PRR29: variants seen among roughly 807,000 people sequenced by gnomAD.
The protein encoded by PRR29 is proline rich 29.
In PRR29, 20 loss-of-function variants were observed where a neutral mutation model predicts 25.1. The ratio of observed to expected loss-of-function variants is 0.80; its 90% CI spans 0.56 to 1.16. The LOEUF (loss-of-function observed/expected upper bound fraction) is 1.16. Ranked by LOEUF, PRR29 falls within the 50% of genes most tolerant of loss-of-function variation. The pLI, the probability that PRR29 is intolerant of heterozygous loss-of-function variation, is 0.00. For synonymous variants in PRR29, 108 were observed against 102.6 expected (o/e 1.05, Z -0.32); for missense variants, 238 against 246.6 (o/e 0.97, Z 0.23).
At position 64,001,989 on chromosome 17, in the gene PRR29, C is replaced by T. The variant is rs1355845968; in HGVS notation, c.*228C>T. ...GCTGTTGTGTAAGAGCTCCCTAGAG[C>T]ACCACCCAGGCCCTTGAAGCCACGT... is the stretch of plus-strand genomic sequence containing the variant. On this transcript the variant is annotated 3_prime_UTR_variant, in exon 6 of 6. Coordinates refer to ENST00000412177, the MANE Select transcript of PRR29 (RefSeq NM_001164257.2). 3 of 1,534,032 alleles carry T rather than the reference C, an allele frequency of 2.0e-6. No homozygotes were observed. The highest frequency in any genetic ancestry group is 2.6e-6 in the Non-Finnish European group (3 of 1,145,826).
rs1911025484 is a variant in PRR29, at chr17:64,004,026, C to T, written c.*2265C>T. The T allele has an allele frequency of 2.3e-6, 3 of 1,278,890 alleles. No individual in the cohort carries two copies. Among genetic ancestry groups the T allele is most frequent in the South Asian group, 1.4e-5 (1 of 70,938 alleles). 79.2% of individuals were successfully genotyped at this position (1,278,890 alleles called of 1,614,324 possible). On this transcript the variant is annotated 3_prime_UTR_variant, in exon 6 of 6. Coordinates refer to ENST00000412177, the MANE Select transcript of PRR29 (RefSeq NM_001164257.2). ...GGGGTGCAGTCCCAGCAGCCTCCCC[C>T]TGGCCAGGGCCATCTCCTGTCACCA...
chr17:64,000,101 C>T (rs920348132), intron 3 of PRR29, among the ~76,000 whole-genome samples: 19 of 152,110 alleles, frequency 1.2e-4, no homozygotes, highest in African/African-American at 4.3e-4. Context: ...TACTGCCACC[C>T]CTCACCCCTG....
Position 63,998,797 on chromosome 17 carries a change from TCCCCCCACCCC to T in PRR29, c.136+16_136+26del. 1.9e-6 allele frequency: 2 copies of T among 1,062,600 alleles called. No homozygotes were observed. Among genetic ancestry groups the T allele is most frequent in the Non-Finnish European group, 2.6e-6 (2 of 761,698 alleles). 65.8% of individuals were successfully genotyped at this position (1,062,600 alleles called of 1,614,324 possible). A position where few individuals can be genotyped will look rare whatever the true frequency, so the allele number is the denominator to read the frequency against. ...CGTGAAGGAAGGTGAGACTCCCGGG[TCCCCCCACCCC>T]ACCCCCACCATCACCACCACTCACC... On this transcript the variant is annotated intron_variant, in intron 2 of 5. Transcript: ENST00000412177.
chr17:64,003,008 A>C lies in PRR29; in HGVS notation c.*1247A>C. 2 of 1,348,614 alleles carry C rather than the reference A, an allele frequency of 1.5e-6. No individual in the cohort carries two copies. The highest frequency in any genetic ancestry group is 2.0e-6 in the Non-Finnish European group (2 of 977,060). The allele number at this position is 1,348,614 out of a possible 1,614,324, so 83.5% of individuals were successfully genotyped here. A position where few individuals can be genotyped will look rare whatever the true frequency, so the allele number is the denominator to read the frequency against. ...AAAAGGGAGTGGAAGTCCACCCCCA[A>C]CCCAGACCCCCAGACCCCGCCGCCC... On this transcript the variant is annotated 3_prime_UTR_variant, in exon 6 of 6. Transcript: ENST00000412177.
intron 3 of PRR29, among the ~76,000 whole-genome samples, chr17:64,000,441 T>C (rs2143126483): frequency 6.6e-6 from 1 of 152,290 alleles, no homozygotes; most frequent in African/African-American, 2.4e-5. Flanking sequence ...ACAACTCTCC[T>C]GCCCCAGCCT....
Position 63,998,432 on chromosome 17 carries a change from C to T in PRR29, c.60+8C>T. ...CAGAGCGCAGTCCCGACGGTGAGGG[C>T]TGAGCCCGGGAGCAGATCCTGCCTT... On this transcript the variant is annotated splice_region_variant and intron_variant, in intron 1 of 5. Coordinates refer to ENST00000412177, the MANE Select transcript of PRR29 (RefSeq NM_001164257.2). 6.8e-7 allele frequency: 1 copy of T among 1,480,404 alleles called. No individual in the cohort carries two copies. The allele number at this position is 1,480,404 out of a possible 1,614,324, so 91.7% of individuals were successfully genotyped here.
rs1316314559 is a variant in PRR29, at chr17:64,002,079, C to T, written c.*318C>T. ...GGGAGGCCTGGGAACAGAGCCCCCA[C>T]CCTCTCTCCCTCACCCCTCTCTCTG... On this transcript the variant is annotated 3_prime_UTR_variant, in exon 6 of 6. Coordinates refer to ENST00000412177, the MANE Select transcript of PRR29 (RefSeq NM_001164257.2). 5 of 1,252,750 alleles carry T rather than the reference C, an allele frequency of 4.0e-6. No homozygotes were observed. Among genetic ancestry groups the T allele is most frequent in the Non-Finnish European group, 5.5e-6 (5 of 911,264 alleles). The allele number at this position is 1,252,750 out of a possible 1,614,324, so 77.6% of individuals were successfully genotyped here. A position where few individuals can be genotyped will look rare whatever the true frequency, so the allele number is the denominator to read the frequency against.
Position 63,998,797 on chromosome 17 carries a change from T to TGGGGG in PRR29, c.136+15_136+16insGGGGG. The TGGGGG allele has an allele frequency of 9.4e-7, 1 of 1,062,602 alleles. No homozygotes were observed. Among genetic ancestry groups the TGGGGG allele is most frequent in the Non-Finnish European group, 1.3e-6 (1 of 761,700 alleles). The allele number at this position is 1,062,602 out of a possible 1,614,324, so 65.8% of individuals were successfully genotyped here. ...CGTGAAGGAAGGTGAGACTCCCGGGTCCCCCCACCCCACCCCCACCATCAC... is the reference window on the plus strand; with the variant it reads ...CGTGAAGGAAGGTGAGACTCCCGGGTGGGGGCCCCCCACCCCACCCCCACCATCAC... On this transcript the variant is annotated intron_variant, in intron 2 of 5. Coordinates refer to ENST00000412177, the MANE Select transcript of PRR29 (RefSeq NM_001164257.2).
Position 64,002,359 on chromosome 17 carries a change from T to G in PRR29, c.*598T>G. On this transcript the variant is annotated 3_prime_UTR_variant, in exon 6 of 6. Coordinates refer to ENST00000412177, the MANE Select transcript of PRR29 (RefSeq NM_001164257.2). ...TGCTGTGGCCAGGAGTGGCCTGAGG[T>G]CTCCTGGGGCCAGGTGGGAACAGTG... The G allele has an allele frequency of 2.5e-6, 1 of 394,346 alleles. No homozygotes were observed. 24.4% of individuals were successfully genotyped at this position (394,346 alleles called of 1,614,324 possible). A position where few individuals can be genotyped will look rare whatever the true frequency, so the allele number is the denominator to read the frequency against.
intron 5 of PRR29, 80 bp from the exon 6 acceptor site, chr17:64,001,653 A>G: frequency 6.6e-7 from 1 of 1,515,490 alleles, no homozygotes; most frequent in Non-Finnish European, 8.8e-7. Flanking sequence ...GCTGCAGGCA[A>G]CTGGCCTGTC....
intron 5 of PRR29, 47 bp downstream of exon 5, chr17:64,001,584 C>T: frequency 1.3e-6 from 2 of 1,487,466 alleles, no homozygotes; most frequent in Non-Finnish European, 1.8e-6. Context: ...GGGAGTGAAT[C>T]AGGAGGCCAG....
At position 64,002,766 on chromosome 17, in the gene PRR29, G is replaced by A; in HGVS notation, c.*1005G>A. On this transcript the variant is annotated 3_prime_UTR_variant, in exon 6 of 6. Coordinates refer to ENST00000412177, the MANE Select transcript of PRR29 (RefSeq NM_001164257.2). ...TGGTTGCTATGGCCGGAAGGCCTGGGGCAGCCTCCTCCAAGCCGCTCGCAC... is the reference window on the plus strand; with the variant it reads ...TGGTTGCTATGGCCGGAAGGCCTGGAGCAGCCTCCTCCAAGCCGCTCGCAC... 6.2e-7 allele frequency: 1 copy of A among 1,612,210 alleles called. No homozygotes were observed. The highest frequency in any genetic ancestry group is 8.5e-7 in the Non-Finnish European group (1 of 1,179,898).
rs1910813570 is a variant in PRR29, at chr17:64,002,117, C to T, written c.*356C>T. ...ACCCCTCTCTCTGGGATGATGAGGT[C>T]TCCTTCCAGCCTAGTAATGGAGCAA... On this transcript the variant is annotated 3_prime_UTR_variant, in exon 6 of 6. Coordinates refer to ENST00000412177, the MANE Select transcript of PRR29 (RefSeq NM_001164257.2). 2.1e-6 allele frequency: 2 copies of T among 974,402 alleles called. No homozygotes were observed. Among genetic ancestry groups the T allele is most frequent in the Admixed American group, 5.3e-5 (2 of 37,396 alleles). The allele number at this position is 974,402 out of a possible 1,614,324, so 60.4% of individuals were successfully genotyped here. A position where few individuals can be genotyped will look rare whatever the true frequency, so the allele number is the denominator to read the frequency against.
In PRR29 at chr17:64,002,703, A is replaced by T. The variant is rs1567842818; in HGVS notation, c.*942A>T. On this transcript the variant is annotated 3_prime_UTR_variant, in exon 6 of 6. Coordinates refer to ENST00000412177, the MANE Select transcript of PRR29 (RefSeq NM_001164257.2). ...ACCTCAACCCTGAGGAGTCACACTG[A>T]GTTCCAGTGACCACCGTGGTGGTGG... 1 of 1,569,280 alleles carries T rather than the reference A, an allele frequency of 6.4e-7. No homozygotes were observed. Among genetic ancestry groups the T allele is most frequent in the Non-Finnish European group, 8.7e-7 (1 of 1,150,414 alleles).
At chr17:64,001,024 C>A in intron 3 of PRR29, 60 bp from the exon 4 acceptor site, 1 of 1,335,468 alleles carries the variant, frequency 7.5e-7, no homozygotes, top group Non-Finnish European at 1.0e-6. Flanking sequence ...GGAGGAGTGG[C>A]GGTGGGGAGA....
chr17:64,001,666 C>T, intron 5 of PRR29, 67 bp from the exon 6 acceptor site: 1 of 1,526,298 alleles, frequency 6.6e-7, no homozygotes, highest in Non-Finnish European at 8.8e-7. Flanking sequence ...GGCCTGTCCC[C>T]TTCCCTTTAC....
rs538760979 is a variant in PRR29 at position 64,004,112 on chromosome 17, C to T, written c.*2351C>T. On this transcript the variant is annotated 3_prime_UTR_variant, in exon 6 of 6. Coordinates refer to ENST00000412177, the MANE Select transcript of PRR29 (RefSeq NM_001164257.2). ...GGCTCCAGTGCAGAGAGGAAGAGGG[C>T]AGCAGTTGAGGATGGAGGCTGGACT... is the stretch of plus-strand genomic sequence containing the variant. 127 of 623,710 alleles carry T rather than the reference C, an allele frequency of 2.0e-4. No homozygotes were observed. In the South Asian group the frequency reaches 2.2e-3, roughly 11 times the overall value. The allele number at this position is 623,710 out of a possible 1,614,324, so 38.6% of individuals were successfully genotyped here. A position where few individuals can be genotyped will look rare whatever the true frequency, so the allele number is the denominator to read the frequency against.
At chr17:63,999,359 T>G (rs1021194837) in intron 3 of PRR29, 4 of 514,958 alleles carry the variant, frequency 7.8e-6, no homozygotes, top group African/African-American at 7.7e-5. Context: ...GTAGGCACCC[T>G]GGTAACCCTG....
chr17:64,001,904 TCTC>T lies in PRR29; in HGVS notation c.*146_*148del. The T allele has an allele frequency of 6.5e-7, 1 of 1,535,874 alleles. No homozygotes were observed. The highest frequency in any genetic ancestry group is 8.7e-7 in the Non-Finnish European group (1 of 1,146,640). ...TCCCTCAACCTCAGCCAGGCCCTCTTCTCCTGGGGAAATCAGTCCCTGCCCCAC... is the reference window on the plus strand; with the variant it reads ...TCCCTCAACCTCAGCCAGGCCCTCTTCTGGGGAAATCAGTCCCTGCCCCAC... On this transcript the variant is annotated 3_prime_UTR_variant, in exon 6 of 6. Transcript: ENST00000412177.
Sources: gnomAD v4.1 joint callset for allele counts (sites outside exome capture counted in the v4.1 genomes callset) on GRCh38, gnomAD v4.1.1 for gene constraint, MANE v1.5 for transcripts, NCBI Gene and HGNC (gene_info 2026-07-23, HGNC 2026-07-21) for gene names.